Variants in EML4 observed in about 807,000 individuals in gnomAD.
EML4 encodes the protein echinoderm microtubule-associated protein-like 4.
Under a neutral mutation model 129.0 loss-of-function variants are expected in EML4, and 72 were observed. The observed-to-expected ratio is 0.56, with a 90% confidence interval of 0.46 to 0.68. The LOEUF (loss-of-function observed/expected upper bound fraction) is 0.68. Among genes scored for constraint, EML4 ranks in the 30% least tolerant of loss-of-function variants. The probability of loss-of-function intolerance (pLI) is 0.00; values close to 1 mark genes in which losing one functional copy is unlikely to be tolerated. For missense variants in EML4, 1,363 were observed against 1,190.6 expected (o/e 1.14, Z -2.13); for synonymous variants, 532 against 405.0 (o/e 1.31, Z -3.77).
chr2:42,270,235 C>T (rs1010562396), intron 6 of EML4, among the ~76,000 whole-genome samples: 3 of 152,116 alleles, frequency 2.0e-5, no homozygotes, highest in African/African-American at 7.2e-5. Flanking sequence ...CCCACAATAC[C>T]TTCACTAACT....
chr2:42,303,275 T>C (rs1372527617), intron 15 of EML4, 40 bp from the exon 16 acceptor site: 9 of 1,613,958 alleles, frequency 5.6e-6, no homozygotes, highest in Non-Finnish European at 6.8e-6. Flanking sequence ...TTTTATGATA[T>C]TCTTTGGTTC....
intron 6 of EML4, 72 bp from the exon 7 acceptor site, chr2:42,280,778 C>A: frequency 8.5e-7 from 1 of 1,178,030 alleles, no homozygotes; most frequent in Non-Finnish European, 1.2e-6. Context: ...TATTGTATCA[C>A]GTTAATAATC....
chr2:42,246,513 GGA>G (rs1406158479), intron 2 of EML4, among the ~76,000 whole-genome samples: 1 of 152,162 alleles, frequency 6.6e-6, no homozygotes, highest in Non-Finnish European at 1.5e-5. Context: ...TAGCTGAGTA[GGA>G]GATAGTGCAG....
intron 17 of EML4, among the ~76,000 whole-genome samples, chr2:42,306,714 G>A (rs1668628994): frequency 6.6e-6 from 1 of 150,992 alleles, no homozygotes; most frequent in African/African-American, 2.4e-5. Context: ...GTGTTAGCCA[G>A]GATGGTCTCA....
chr2:42,256,705 G>C, intron 3 of EML4, 75 bp downstream of exon 3: 1 of 1,551,982 alleles, frequency 6.4e-7, no homozygotes, highest in African/African-American at 1.4e-5. Flanking sequence ...CCTTTAGAAA[G>C]AATATGAAAT....
chr2:42,329,108 C>G, intron 22 of EML4, 92 bp downstream of exon 22: 4 of 1,323,868 alleles, frequency 3.0e-6, no homozygotes, highest in Non-Finnish European at 4.2e-6. Context: ...TTACTGATTC[C>G]TCTCCATGAT....
intron 1 of EML4, among the ~76,000 whole-genome samples, chr2:42,221,411 T>TTTTTTTTTTTTTTTTG (rs1673588390): frequency 1.5e-5 from 1 of 66,120 alleles, no homozygotes. Flanking sequence ...TACTTTTTTT[T>TTTTTTTTTTTTTTTTG]TTTTTTTTTT....
At chr2:42,284,607 A>G (rs767926328) in intron 8 of EML4, 27 bp from the exon 9 acceptor site, 76 of 1,566,390 alleles carry the variant, frequency 4.9e-5, no homozygotes, top group Middle Eastern at 3.3e-4. Flanking sequence ...TCCTGTGTTT[A>G]AAATCATTCT....
intron 1 of EML4, among the ~76,000 whole-genome samples, chr2:42,240,421 T>C (rs1316262146): frequency 6.6e-6 from 1 of 152,218 alleles, no homozygotes; most frequent in Non-Finnish European, 1.5e-5. Flanking sequence ...GTACATTATA[T>C]ATACATATGT....
intron 8 of EML4, among the ~76,000 whole-genome samples, chr2:42,283,913 A>G (rs545264647): frequency 6.6e-6 from 1 of 152,330 alleles, no homozygotes; most frequent in South Asian, 2.1e-4. Flanking sequence ...GTTCTTAAGT[A>G]CAAATATTTA....
chr2:42,245,090 C>CTTTTTTTTTTTTTTTTTTTTTTTTTTTT (rs960416568), intron 1 of EML4, among the ~76,000 whole-genome samples: 1 of 14,510 alleles, frequency 6.9e-5, no homozygotes. Flanking sequence ...TTGAAATTTT[C>CTTTTTTTTTTTTTTTTTTTTTTTTTTTT]TTTCTTTTTT....
chr2:42,280,942 C>A lies in EML4; in HGVS notation c.760C>A (p.Leu254Met). Reference protein sequence around the residue: ...VDNYDDIRTELPPEKLKLEWA... With the variant: ...VDNYDDIRTEMPPEKLKLEWA... ...CAACTATGATGACATCAGAACGGAA[C>A]TGCCTCCTGAGAAGCTCAAACTGGA... Residue 254 changes from leucine (L) to methionine (M), a missense_variant, in exon 7 of 23, where the codon CTG becomes ATG. Transcript: ENST00000318522. The A allele has an allele frequency of 1.9e-6, 3 of 1,610,448 alleles. No individual in the cohort carries two copies. The highest frequency in any genetic ancestry group is 2.5e-6 in the Non-Finnish European group (3 of 1,178,618).
At chr2:42,264,960 A>T (rs2104400155) in intron 6 of EML4, 1 of 1,549,864 alleles carries the variant, frequency 6.5e-7, no homozygotes, top group East Asian at 2.4e-5. Flanking sequence ...AGGTAAGAAT[A>T]AGCTACGCAG....
At chr2:42,295,036 A>G (rs530465754) in intron 11 of EML4, 89 bp from the exon 12 acceptor site, 14 of 1,190,290 alleles carry the variant, frequency 1.2e-5, no homozygotes, top group South Asian at 5.9e-5. Flanking sequence ...ATCTTGCCCT[A>G]TCGTTAATTG....
At chr2:42,262,778 A>T (rs1665812724) in intron 4 of EML4, among the ~76,000 whole-genome samples, 1 of 152,216 alleles carries the variant, frequency 6.6e-6, no homozygotes, top group Non-Finnish European at 1.5e-5. Context: ...TATGTAATGT[A>T]ATTACCTGAG....
chr2:42,325,581 AT>A, intron 20 of EML4, 27 bp downstream of exon 20: 1 of 415,136 alleles, frequency 2.4e-6, no homozygotes, highest in Non-Finnish European at 4.1e-6. Context: ...TTATATATAT[AT>A]ATATATGCTA....
chr2:42,188,345 G>A (rs544689532), intron 1 of EML4, among the ~76,000 whole-genome samples: 67 of 152,084 alleles, frequency 4.4e-4, no homozygotes, highest in African/African-American at 1.5e-3. Flanking sequence ...CTCACCTCGC[G>A]GAGTAGCTGG....
intron 13 of EML4, among the ~76,000 whole-genome samples, chr2:42,299,796 C>G (rs1236539403): frequency 6.6e-6 from 1 of 152,222 alleles, no homozygotes; most frequent in South Asian, 2.1e-4. Context: ...TCAAGCGATT[C>G]TCCTGCCTCA....
chr2:42,239,091 C>A (rs1411014791), intron 1 of EML4, among the ~76,000 whole-genome samples: 1 of 152,164 alleles, frequency 6.6e-6, no homozygotes, highest in East Asian at 1.9e-4. Flanking sequence ...GTATAATAGC[C>A]TCTAGGGCAT....
Sources: allele counts gnomAD v4.1 joint callset (sites outside exome capture counted in the v4.1 genomes callset), GRCh38; gene constraint gnomAD v4.1.1; transcripts MANE v1.5; gene names NCBI Gene and HGNC (gene_info 2026-07-23, HGNC 2026-07-21).